Variants in COL15A1 observed in about 807,000 individuals in gnomAD.
The protein encoded by COL15A1 is collagen alpha-1(XV) chain.
COL15A1 carries 111 observed loss-of-function variants against 165.9 expected under a neutral mutation model. The observed-to-expected ratio is 0.67, with a 90% CI of 0.57 to 0.78. The LOEUF (loss-of-function observed/expected upper bound fraction) is 0.78, where lower values mean the gene tolerates loss of function less well. COL15A1 is among the 30% of genes least tolerant of loss of function. COL15A1 has a pLI of 0.00. For missense variants in COL15A1, 1,745 were observed against 1,789.7 expected (o/e 0.98, Z 0.45); for synonymous variants, 659 against 674.8 (o/e 0.98, Z 0.36).
intron 2 of COL15A1, among the ~76,000 whole-genome samples, chr9:98,977,001 C>T (rs546482069): frequency 1.3e-5 from 2 of 152,038 alleles, no homozygotes; most frequent in South Asian, 2.1e-4. Flanking sequence ...AAATGTAGGA[C>T]CCATTCAGGA....
chr9:98,972,437 C>T (rs1034154862), intron 2 of COL15A1, among the ~76,000 whole-genome samples: 3 of 152,222 alleles, frequency 2.0e-5, no homozygotes, highest in Non-Finnish European at 4.4e-5. Context: ...TACCTAGTCC[C>T]ATTTGAATCT....
Position 99,044,754 on chromosome 9 carries a change from G to T in COL15A1, c.2663G>T (p.Gly888Val). The stretch of plus-strand genomic sequence containing the variant: ...TTTTAGGGTGAACCTGGAATGCATG[G>T]AGCCCCAGGACCAATGGTAAGTCAG... ...MGKKGEPGMH[G>V]APGPMGPKGP... Residue 888 changes from glycine (G) to valine (V), a missense_variant, in exon 26 of 42, where the codon GGA (glycine) becomes GTA (valine). Gly to Val is a moderately radical substitution (Grantham distance 109, BLOSUM62 -3). Coordinates refer to ENST00000375001, the MANE Select transcript of COL15A1 (RefSeq NM_001855.5). 6.2e-7 allele frequency: 1 copy of T among 1,613,908 alleles called. No individual in the cohort carries two copies. Among genetic ancestry groups the T allele is most frequent in the Non-Finnish European group, 8.5e-7 (1 of 1,179,784 alleles).
chr9:99,001,102 A>G, intron 7 of COL15A1, 151 bp downstream of exon 7: 1 of 628,620 alleles, frequency 1.6e-6, no homozygotes, highest in South Asian at 1.9e-5. Context: ...GGTACAGAGG[A>G]GGTCAGAGTC....
At chr9:99,003,313 C>T in intron 7 of COL15A1, 140 bp from the exon 8 acceptor site, 1 of 623,004 alleles carries the variant, frequency 1.6e-6, no homozygotes, top group Non-Finnish European at 2.6e-6. Flanking sequence ...TTTATGAAAC[C>T]ATAGATGTGA....
At chr9:99,045,300 C>T (rs559672254) in intron 26 of COL15A1, among the ~76,000 whole-genome samples, 48 of 152,184 alleles carry the variant, frequency 3.2e-4, no homozygotes, top group Non-Finnish European at 5.9e-4. Context: ...CTCAAAGGAA[C>T]CCCACAAAAC....
At chr9:99,062,663 A>G (rs2117977807) in intron 38 of COL15A1, among the ~76,000 whole-genome samples, 1 of 152,324 alleles carries the variant, frequency 6.6e-6, no homozygotes, top group Middle Eastern at 3.4e-3. Flanking sequence ...AACATGGGCA[A>G]CTGGCATTGT....
intron 24 of COL15A1, among the ~76,000 whole-genome samples, chr9:99,042,587 T>C (rs1005534331): frequency 5.9e-5 from 9 of 152,334 alleles, no homozygotes; most frequent in African/African-American, 2.2e-4. Context: ...GCTCCAATAC[T>C]AATATGGGGC....
chr9:98,964,491 G>C (rs1217879150), intron 2 of COL15A1, among the ~76,000 whole-genome samples: 1 of 152,188 alleles, frequency 6.6e-6, no homozygotes, highest in Non-Finnish European at 1.5e-5. Flanking sequence ...TTGCACAACT[G>C]AGCAGGAAAG....
In COL15A1 at chr9:99,063,249, A is replaced by G. The variant is rs144147523; in HGVS notation, c.3651+140A>G. 23 of 1,090,362 alleles carry G rather than the reference A, an allele frequency of 2.1e-5. No homozygotes were observed. In the African/African-American group the frequency reaches 3.7e-4, roughly 17 times the overall value. The allele number at this position is 1,090,362 out of a possible 1,614,324, so 67.5% of individuals were successfully genotyped here. A position where few individuals can be genotyped will look rare whatever the true frequency, so the allele number is the denominator to read the frequency against. On this transcript the variant is annotated intron_variant, in intron 39 of 41. Transcript: ENST00000375001. ...AGGCAAACAAAAAACAGAGAATTAC[A>G]ATACAGTGTGGTAAGTTGTTTGGGT...
chr9:98,992,274 G>C (rs1838453006), intron 5 of COL15A1, among the ~76,000 whole-genome samples: 1 of 152,248 alleles, frequency 6.6e-6, no homozygotes, highest in African/African-American at 2.4e-5. Context: ...GAGGCCCAGT[G>C]AGAATTCGAG....
chr9:99,036,251 G>A (rs781483400), intron 20 of COL15A1, 46 bp downstream of exon 20: 1 of 1,613,708 alleles, frequency 6.2e-7, no homozygotes, highest in Non-Finnish European at 8.5e-7. Context: ...TTTCCAGCCT[G>A]GTTCTGGGAG....
intron 3 of COL15A1, chr9:98,986,347 G>T (rs1292097237): frequency 1.0e-5 from 5 of 493,516 alleles, no homozygotes; most frequent in Non-Finnish European, 1.8e-5. Flanking sequence ...TCCTCTCTGT[G>T]TTTCCTTATC....
chr9:98,955,961 A>G (rs542054912), intron 2 of COL15A1, among the ~76,000 whole-genome samples: 15 of 152,356 alleles, frequency 9.8e-5, no homozygotes, highest in Admixed American at 2.6e-4. Context: ...AGAACCAGGT[A>G]TCCTGACTCC....
At position 99,054,807 on chromosome 9, in the gene COL15A1, G is replaced by A. The variant is rs1388737038; in HGVS notation, c.3031+151G>A. On this transcript the variant is annotated intron_variant, in intron 32 of 41. Coordinates refer to ENST00000375001, the MANE Select transcript of COL15A1 (RefSeq NM_001855.5). ...GGTTTCTAGTGAAAACCAAGCATGG[G>A]CCTGGCATGTCCAATAGGGAACATT... 4.7e-6 allele frequency: 4 copies of A among 844,426 alleles called. No homozygotes were observed. In the East Asian group the frequency reaches 1.1e-4, roughly 23 times the overall value. The allele number at this position is 844,426 out of a possible 1,614,324, so 52.3% of individuals were successfully genotyped here.
intron 2 of COL15A1, among the ~76,000 whole-genome samples, chr9:98,961,798 C>G (rs1837870323): frequency 1.3e-5 from 2 of 152,232 alleles, no homozygotes; most frequent in African/African-American, 4.8e-5. Context: ...GCTTATCAGA[C>G]AGTGAATTGC....
chr9:99,044,509 C>G, intron 24 of COL15A1, 59 bp from the exon 25 acceptor site: 1 of 1,529,764 alleles, frequency 6.5e-7, no homozygotes, highest in Admixed American at 1.7e-5. Flanking sequence ...GTACAAAACT[C>G]TCTGGACAAG....
chr9:99,057,082 A>G (rs550266976), intron 35 of COL15A1, among the ~76,000 whole-genome samples: 4 of 152,224 alleles, frequency 2.6e-5, no homozygotes, highest in Non-Finnish European at 5.9e-5. Flanking sequence ...TTGCTGGGTC[A>G]TATGGTAACT....
chr9:98,986,982 G>A (rs145511924), intron 3 of COL15A1, among the ~76,000 whole-genome samples: 258 of 152,224 alleles, frequency 1.7e-3, no homozygotes, highest in Non-Finnish European at 2.8e-3. Flanking sequence ...GGAGATGTGC[G>A]TTTCAGGGCC....
chr9:99,056,943 T>G (rs1825729481), intron 35 of COL15A1, among the ~76,000 whole-genome samples: 1 of 152,246 alleles, frequency 6.6e-6, no homozygotes, highest in Non-Finnish European at 1.5e-5. Context: ...GTTTATTCAT[T>G]AATCTGTTCA....
Sources: gnomAD v4.1 joint callset for allele counts (sites outside exome capture counted in the v4.1 genomes callset) on GRCh38, gnomAD v4.1.1 for gene constraint, MANE v1.5 for transcripts, NCBI Gene and HGNC (gene_info 2026-07-23, HGNC 2026-07-21) for gene names.